Variants in FARS2 observed in about 807,000 individuals in gnomAD.
FARS2 encodes the protein phenylalanyl-tRNA synthetase 2, mitochondrial.
A neutral mutation model predicts 46.4 loss-of-function variants in FARS2; 40 were observed. The observed-to-expected ratio is 0.86, with a 90% CI of 0.67 to 1.12. FARS2 has a LOEUF of 1.12. Among genes scored for constraint, FARS2 ranks in the 50% most tolerant of loss-of-function variants. FARS2 has a pLI of 0.00. For synonymous variants in FARS2, 234 were observed against 214.9 expected, an observed-to-expected ratio of 1.09 and a Z score of -0.78; for missense variants, 513 against 567.9, an observed-to-expected ratio of 0.90 and a Z score of 0.98.
intron 1 of FARS2, among the ~76,000 whole-genome samples, chr6:5,270,948 T>G (rs555080918): frequency 4.3e-4 from 66 of 152,362 alleles, no homozygotes; most frequent in African/African-American, 1.6e-3. Flanking sequence ...CAAAGCTACC[T>G]TCTCTAACTT....
chr6:5,458,777 T>C (rs1765062287), intron 4 of FARS2, among the ~76,000 whole-genome samples: 1 of 152,192 alleles, frequency 6.6e-6, no homozygotes, highest in Non-Finnish European at 1.5e-5. Context: ...AGAATCAACA[T>C]GGGCAGGTTT....
At chr6:5,732,417 C>T (rs1031797874) in intron 6 of FARS2, among the ~76,000 whole-genome samples, 5 of 152,202 alleles carry the variant, frequency 3.3e-5, no homozygotes, top group Non-Finnish European at 5.9e-5. Flanking sequence ...ACGTAGCAAG[C>T]ATGCAACACC....
At position 5,484,123 on chromosome 6, in the gene FARS2, CA is replaced by C. The variant is rs545881081; in HGVS notation, c.904+52955del. Among the ~76,000 whole-genome samples, 22 of 152,212 alleles carry C rather than the reference CA, an allele frequency of 1.4e-4. No homozygotes were observed. The South Asian group carries it at 4.4e-3, about 30-fold the overall frequency. ...CCCTGTCTCTAAAAGTAAACAAAAA[CA>C]AAAGTGAAAAACGTTCAGGCAAACA... is the stretch of plus-strand genomic sequence containing the variant. On this transcript the variant is annotated intron_variant, in intron 4 of 6. Coordinates refer to ENST00000274680, the MANE Select transcript of FARS2 (RefSeq NM_006567.5).
At chr6:5,486,353 A>G (rs1157555415) in intron 4 of FARS2, among the ~76,000 whole-genome samples, 1 of 152,212 alleles carries the variant, frequency 6.6e-6, no homozygotes, top group Non-Finnish European at 1.5e-5. Flanking sequence ...CCTGAGCCCC[A>G]AACCCTGTTT....
intron 6 of FARS2, among the ~76,000 whole-genome samples, chr6:5,742,125 TG>T (rs2150953167): frequency 6.6e-6 from 1 of 152,368 alleles, no homozygotes; most frequent in Admixed American, 6.5e-5. Flanking sequence ...ATAGGTACGT[TG>T]GCGTCAGCTT....
At chr6:5,347,390 T>C (rs1159847748) in intron 1 of FARS2, among the ~76,000 whole-genome samples, 2 of 152,326 alleles carry the variant, frequency 1.3e-5, no homozygotes, top group Non-Finnish European at 2.9e-5. Flanking sequence ...AGTTGTTTTA[T>C]CTGTTATTAC....
intron 4 of FARS2, among the ~76,000 whole-genome samples, chr6:5,533,469 A>G (rs1769989769): frequency 6.6e-6 from 1 of 152,246 alleles, no homozygotes; most frequent in Non-Finnish European, 1.5e-5. Context: ...CTTTCCTACC[A>G]TACTATTCTG....
intron 3 of FARS2, among the ~76,000 whole-genome samples, chr6:5,419,465 T>C (rs1582049964): frequency 6.9e-6 from 1 of 144,334 alleles, no homozygotes; most frequent in East Asian, 2.6e-4. Flanking sequence ...CAGAGGAAGG[T>C]TTTTTTGTTC....
chr6:5,259,881 C>T (rs1764902740), upstream of FARS2, among the ~76,000 whole-genome samples: 1 of 152,060 alleles, frequency 6.6e-6, no homozygotes, highest in Non-Finnish European at 1.5e-5. Context: ...GAACCAGCAA[C>T]ACTGTGAAAG....
At chr6:5,762,880 T>C (rs1762551891) in intron 6 of FARS2, among the ~76,000 whole-genome samples, 1 of 152,146 alleles carries the variant, frequency 6.6e-6, no homozygotes, top group South Asian at 2.1e-4. Context: ...TGGTGTTCAC[T>C]GGCTGGGAGC....
At chr6:5,629,300 T>C (rs1233970421) in intron 6 of FARS2, among the ~76,000 whole-genome samples, 1 of 152,180 alleles carries the variant, frequency 6.6e-6, no homozygotes, top group East Asian at 1.9e-4. Flanking sequence ...ATTAGAAACG[T>C]GTCACCATGA....
chr6:5,633,423 G>A (rs1776393204), intron 6 of FARS2, among the ~76,000 whole-genome samples: 1 of 151,662 alleles, frequency 6.6e-6, no homozygotes, highest in South Asian at 2.1e-4. Context: ...TTACAAACAT[G>A]CGCCACCACA....
intron 5 of FARS2, among the ~76,000 whole-genome samples, chr6:5,607,154 A>G (rs1052095754): frequency 2.0e-5 from 3 of 152,172 alleles, no homozygotes; most frequent in Non-Finnish European, 2.9e-5. Context: ...TGTTTAGAAG[A>G]TGAAACTCTA....
At chr6:5,454,470 G>A (rs1048658244) in intron 4 of FARS2, among the ~76,000 whole-genome samples, 13 of 151,682 alleles carry the variant, frequency 8.6e-5, no homozygotes, top group Non-Finnish European at 1.5e-4. Context: ...GCCTCCCCCC[G>A]AGTAGCTGGG....
chr6:5,255,269 G>A, the FARS2 span, among the ~76,000 whole-genome samples: 1 of 152,166 alleles, frequency 6.6e-6, no homozygotes, highest in Non-Finnish European at 1.5e-5. Flanking sequence ...TCTCTCATGA[G>A]TATACAGGGG....
intron 6 of FARS2, among the ~76,000 whole-genome samples, chr6:5,646,650 C>T (rs941058270): frequency 2.6e-5 from 4 of 152,110 alleles, no homozygotes; most frequent in African/African-American, 2.4e-5. Context: ...ATGCTCAAGT[C>T]CCTGATATAA....
At chr6:5,414,972 G>T (rs1325510905) in intron 3 of FARS2, among the ~76,000 whole-genome samples, 1 of 151,604 alleles carries the variant, frequency 6.6e-6, no homozygotes, top group East Asian at 2.0e-4. Flanking sequence ...CCGCCACCAT[G>T]CCTGGGTAAT....
intron 6 of FARS2, among the ~76,000 whole-genome samples, chr6:5,636,716 C>T (rs149900353): frequency 3.3e-5 from 5 of 152,318 alleles, no homozygotes; most frequent in Non-Finnish European, 7.3e-5. Context: ...GAAACAAGTT[C>T]CCCACCTGGT....
chr6:5,629,318 CAG>C (rs1338437860), intron 6 of FARS2, among the ~76,000 whole-genome samples: 1 of 152,164 alleles, frequency 6.6e-6, no homozygotes, highest in Non-Finnish European at 1.5e-5. Context: ...TGATTTCAAA[CAG>C]GGGTAGCACC....
Sources: gnomAD v4.1 joint callset for allele counts (sites outside exome capture counted in the v4.1 genomes callset) on GRCh38, gnomAD v4.1.1 for gene constraint, MANE v1.5 for transcripts, NCBI Gene and HGNC (gene_info 2026-07-23, HGNC 2026-07-21) for gene names.